Variants in E2F2 observed in about 807,000 individuals in gnomAD.
E2F2 encodes E2F transcription factor 2.
In E2F2, 22 loss-of-function variants were observed where a neutral mutation model predicts 42.2. That is an observed-to-expected ratio of 0.52 (90% CI 0.37 to 0.74). The LOEUF is 0.74. Among genes scored for constraint, E2F2 ranks in the 30% least tolerant of loss-of-function variants. The pLI, the probability that E2F2 is intolerant of heterozygous loss-of-function variation, is 0.00. For missense variants in E2F2, 481 were observed against 557.8 expected, an observed-to-expected ratio of 0.86 and a Z score of 1.39; for synonymous variants, 248 against 251.6, an observed-to-expected ratio of 0.99 and a Z score of 0.13.
chr1:23,519,808 T>C (rs533097130), intron 4 of E2F2, among the ~76,000 whole-genome samples: 1 of 152,018 alleles, frequency 6.6e-6, no homozygotes, highest in Admixed American at 6.6e-5. Flanking sequence ...CCGGGTGCGG[T>C]ATCTCACTCC....
chr1:23,506,035 T>A (rs1226545607), downstream of E2F2, among the ~76,000 whole-genome samples: 1 of 152,210 alleles, frequency 6.6e-6, no homozygotes, highest in African/African-American at 2.4e-5. Flanking sequence ...TAACTTCAAG[T>A]GATCCACCGC....
At chr1:23,518,945 C>T in intron 5 of E2F2, 71 bp downstream of exon 5, 1 of 1,274,192 alleles carries the variant, frequency 7.8e-7, no homozygotes, top group Non-Finnish European at 1.1e-6. Flanking sequence ...GGGACAGAGT[C>T]TGCAGAGCCG....
At chr1:23,519,438 TTTTA>T (rs1467388778) in intron 4 of E2F2, 2 of 192,214 alleles carry the variant, frequency 1.0e-5, no homozygotes, top group African/African-American at 4.6e-5. Flanking sequence ...GGAAGATGTG[TTTTA>T]TTTCTTTATA....
intron 1 of E2F2, among the ~76,000 whole-genome samples, chr1:23,525,188 A>C (rs915812546): frequency 3.4e-5 from 5 of 146,616 alleles, no homozygotes; most frequent in African/African-American, 7.7e-5. Flanking sequence ...AGCTGAGGCC[A>C]CCCCCCCCCT....
chr1:23,513,249 TTCAC>T (rs967932355), intron 6 of E2F2, among the ~76,000 whole-genome samples: 23 of 152,056 alleles, frequency 1.5e-4, no homozygotes, highest in African/African-American at 5.3e-4. Context: ...GTTAAAGTGA[TTCAC>T]TCACAGTCAC....
intron 1 of E2F2, among the ~76,000 whole-genome samples, chr1:23,528,117 AAG>A (rs928318642): frequency 6.6e-6 from 1 of 152,216 alleles, no homozygotes; most frequent in Non-Finnish European, 1.5e-5. Context: ...GCAGGCGTGA[AAG>A]AGAATGATGC....
At position 23,530,914 on chromosome 1, in the gene E2F2, T is replaced by C. The variant is rs1643331071; in HGVS notation, c.-121A>G. 4.6e-6 allele frequency: 6 copies of C among 1,293,880 alleles called. No homozygotes were observed. The highest frequency in any genetic ancestry group is 5.5e-4 in the Middle Eastern group (2 of 3,612). The allele number at this position is 1,293,880 out of a possible 1,614,324, so 80.1% of individuals were successfully genotyped here. ...CGCGGAGGCCGGGGGAAGCCGCCAA[T>C]GGACGCCTGCGGGGCAAGGCCGGAC... is the stretch of plus-strand genomic sequence containing the variant. On this transcript the variant is annotated 5_prime_UTR_variant, in exon 1 of 7. Transcript: ENST00000361729. The surrounding 1 kb of genome is among the most constrained non-coding windows in gnomAD (Gnocchi z 4.4).
intron 1 of E2F2, among the ~76,000 whole-genome samples, chr1:23,526,851 G>GCGCA (rs138309530): frequency 6.7e-6 from 1 of 148,722 alleles, no homozygotes; most frequent in African/African-American, 2.5e-5. Context: ...GCATGTACTT[G>GCGCA]CACACACACA....
rs558453767 is a variant in E2F2, at chr1:23,530,513, G to T, written c.252+29C>A. The T allele has an allele frequency of 6.2e-7, 1 of 1,609,322 alleles. No homozygotes were observed. The highest frequency in any genetic ancestry group is 8.5e-7 in the Non-Finnish European group (1 of 1,178,232). On this transcript the variant is annotated intron_variant, in intron 1 of 6. Coordinates refer to ENST00000361729, the MANE Select transcript of E2F2 (RefSeq NM_004091.4). This position sits in a 1 kb window ranked among gnomAD's most constrained non-coding sequence, Gnocchi z 4.4. ...CTTTCCCACACCTGGAAAAGCATAG[G>T]GGGAAGCGGTGGGGGCCCCCAGCAT...
chr1:23,510,410 C>T (rs887576875), intron 6 of E2F2, among the ~76,000 whole-genome samples: 4 of 152,160 alleles, frequency 2.6e-5, no homozygotes, highest in African/African-American at 9.7e-5. Flanking sequence ...ACTGCAACCT[C>T]TGCCTCCCAG....
chr1:23,524,104 C>CAAAA lies in E2F2; in HGVS notation c.358+275_358+278dup, dbSNP rs371670414. Among the ~76,000 whole-genome samples, 75 of 133,206 alleles carry CAAAA rather than the reference C, an allele frequency of 5.6e-4. 2 individuals are homozygous for CAAAA. Among genetic ancestry groups the CAAAA allele is most frequent in the African/African-American group, 2.0e-3 (68 of 34,462 alleles). The allele number at this position is 133,206 out of a possible 152,430, so 87.4% of individuals were successfully genotyped here. A position where few individuals can be genotyped will look rare whatever the true frequency, so the allele number is the denominator to read the frequency against. On this transcript the variant is annotated intron_variant, in intron 2 of 6. Coordinates refer to ENST00000361729, the MANE Select transcript of E2F2 (RefSeq NM_004091.4). ...ACAACAACAACAACAACAACAACAA[C>CAAAA]AAAAAAAAACACAGAAGTAATGCAA...
chr1:23,519,940 TG>T (rs972174198), intron 4 of E2F2, among the ~76,000 whole-genome samples: 6 of 151,796 alleles, frequency 4.0e-5, no homozygotes, highest in African/African-American at 1.5e-4. Context: ...TAGCCGGGTG[TG>T]GTGGCAGGCG....
At position 23,508,486 on chromosome 1, in the gene E2F2, G is replaced by C. The variant is rs1310424312; in HGVS notation, c.*1394C>G. ...TTCAGCCCAGAGCACCCACATCCCA[G>C]GGTGGGTGGGGGAGAAGAGCAGCTG... On this transcript the variant is annotated 3_prime_UTR_variant, in exon 7 of 7. Coordinates refer to ENST00000361729, the MANE Select transcript of E2F2 (RefSeq NM_004091.4). 1 of 152,256 alleles carries C rather than the reference G, an allele frequency of 6.6e-6. No homozygotes were observed. Among genetic ancestry groups the C allele is most frequent in the East Asian group, 1.9e-4 (1 of 5,184 alleles). The allele number at this position is 152,256 out of a possible 1,614,324, so 9.4% of individuals were successfully genotyped here.
In E2F2 at chr1:23,509,851, G is replaced by A. The variant is rs769225787; in HGVS notation, c.*29C>T. ...CTGTCTGTGAGGAGGTAGAGTCGGG[G>A]GCAGGCTGCTGGGGGCAGGCAGGGC... On this transcript the variant is annotated 3_prime_UTR_variant, in exon 7 of 7. Coordinates refer to ENST00000361729, the MANE Select transcript of E2F2 (RefSeq NM_004091.4). 3.9e-6 allele frequency: 6 copies of A among 1,521,094 alleles called. No homozygotes were observed. Among genetic ancestry groups the A allele is most frequent in the East Asian group, 2.4e-5 (1 of 42,256 alleles). 94.2% of individuals were successfully genotyped at this position (1,521,094 alleles called of 1,614,324 possible). A position where few individuals can be genotyped will look rare whatever the true frequency, so the allele number is the denominator to read the frequency against.
In E2F2 at chr1:23,509,855, G is replaced by C. The variant is rs188675739; in HGVS notation, c.*25C>G. 8.0e-5 allele frequency: 121 copies of C among 1,520,720 alleles called. No homozygotes were observed. The African/African-American group carries it at 1.3e-3, about 17-fold the overall frequency. 94.2% of individuals were successfully genotyped at this position (1,520,720 alleles called of 1,614,324 possible). On this transcript the variant is annotated 3_prime_UTR_variant, in exon 7 of 7. Transcript: ENST00000361729. ...CTGTGAGGAGGTAGAGTCGGGGGCAGGCTGCTGGGGGCAGGCAGGGCCACT... is the reference window on the plus strand; with the variant it reads ...CTGTGAGGAGGTAGAGTCGGGGGCACGCTGCTGGGGGCAGGCAGGGCCACT...
chr1:23,524,878 A>C (rs953862298), intron 1 of E2F2, among the ~76,000 whole-genome samples: 1 of 152,200 alleles, frequency 6.6e-6, no homozygotes, highest in East Asian at 1.9e-4. Flanking sequence ...AAACCACATC[A>C]GGGTGGGGAA....
rs1219313547 is a variant in E2F2, at chr1:23,530,749, G to A, written c.45C>T (p.Thr15=). 9 of 1,584,414 alleles carry A rather than the reference G, an allele frequency of 5.7e-6. No individual in the cohort carries two copies. The highest frequency in any genetic ancestry group is 7.7e-6 in the Non-Finnish European group (9 of 1,164,968). The change falls in exon 1 of 7, where the codon ACC becomes ACT. Residue 15 remains threonine, a synonymous_variant. Transcript: ENST00000361729. The surrounding 1 kb of genome is among the most constrained non-coding windows in gnomAD (Gnocchi z 4.4). ...PRALASAAGQ[T]PKVVPAMSPT... is the part of the protein sequence containing the mutation. Reference sequence around the variant, plus strand: ...GGCTCATCGCGGGCACCACCTTCGGGGTCTGCCCAGCGGCCGAAGCCAAGG... The same window carrying A: ...GGCTCATCGCGGGCACCACCTTCGGAGTCTGCCCAGCGGCCGAAGCCAAGG...
chr1:23,524,568 A>G (rs1227547290), intron 1 of E2F2, 80 bp from the exon 2 acceptor site: 9 of 1,322,538 alleles, frequency 6.8e-6, no homozygotes, highest in African/African-American at 1.5e-5. Context: ...GGCCAAAGCA[A>G]TGAAGCCACT....
intron 5 of E2F2, 84 bp downstream of exon 5, chr1:23,518,932 C>T: frequency 2.8e-6 from 3 of 1,078,216 alleles, no homozygotes; most frequent in Non-Finnish European, 4.1e-6. Context: ...CTAGGCAGTG[C>T]CAGGGACAGA....
Sources: gnomAD v4.1 joint callset for allele counts (sites outside exome capture counted in the v4.1 genomes callset) on GRCh38, gnomAD v4.1.1 for gene constraint, Gnocchi (gnomAD v3.1) non-coding constraint, MANE v1.5 for transcripts, NCBI Gene and HGNC (gene_info 2026-07-23, HGNC 2026-07-21) for gene names.